The following UGT3A2 variants were observed in gnomAD, a reference collection of about 807,000 sequenced individuals.
The protein encoded by UGT3A2 is UDP glycosyltransferase family 3 member A2.
Under a neutral mutation model 39.8 loss-of-function variants are expected in UGT3A2, and 32 were observed. The observed-to-expected ratio is 0.80, with a 90% CI of 0.61 to 1.08. The LOEUF is 1.08. UGT3A2 is among the 50% of genes least tolerant of loss of function. UGT3A2 has a pLI of 0.00. For synonymous variants in UGT3A2, 241 were observed against 230.7 expected, an observed-to-expected ratio of 1.04 and a Z score of -0.40; for missense variants, 611 against 637.1, an observed-to-expected ratio of 0.96 and a Z score of 0.44.
chr5:36,049,182 C>T lies in UGT3A2; in HGVS notation c.550G>A (p.Val184Ile). 2 of 1,614,164 alleles carry T rather than the reference C, an allele frequency of 1.2e-6. No homozygotes were observed. The highest frequency in any genetic ancestry group is 8.5e-7 in the Non-Finnish European group (1 of 1,180,036). The change falls in exon 4 of 7, where the codon GTT (valine) becomes ATT (isoleucine). Residue 184 changes from valine (V) to isoleucine (I), a missense_variant. Transcript: ENST00000282507. ...GTCAGCAAGGAACGGAATACTGGAACATAAGACAAGGGGATTGGTAGCCCA... is the reference window on the plus strand; with the variant it reads ...GTCAGCAAGGAACGGAATACTGGAATATAAGACAAGGGGATTGGTAGCCCA... ...EFGLPIPLSY[V>I]PVFRSLLTDH...
chr5:36,057,124 GTC>G (rs1440970815), intron 2 of UGT3A2, among the ~76,000 whole-genome samples: 1 of 152,202 alleles, frequency 6.6e-6, no homozygotes, highest in Non-Finnish European at 1.5e-5. Flanking sequence ...AGTAGTACAT[GTC>G]AGTATTAGAA....
chr5:36,047,734 C>T (rs1450372794), intron 4 of UGT3A2, among the ~76,000 whole-genome samples: 1 of 152,202 alleles, frequency 6.6e-6, no homozygotes, highest in Admixed American at 6.5e-5. Flanking sequence ...ATGTCCTCCC[C>T]TTACTCCATG....
intron 2 of UGT3A2, among the ~76,000 whole-genome samples, chr5:36,063,981 A>G (rs912416095): frequency 6.6e-6 from 1 of 152,150 alleles, no homozygotes; most frequent in Non-Finnish European, 1.5e-5. Flanking sequence ...AGTATTTGTT[A>G]AAATAATCCA....
In UGT3A2 at chr5:36,048,939, T is replaced by C. The variant is rs557011424; in HGVS notation, c.793A>G (p.Thr265Ala). 6.2e-7 allele frequency: 1 copy of C among 1,614,058 alleles called. No individual in the cohort carries two copies. The highest frequency in any genetic ancestry group is 1.1e-5 in the South Asian group (1 of 91,082). ...TCCATCAAGCCTCCAACATAAACAG[T>C]GTTGGGAAGCAGAGGTCGAGCAAAA... Reference protein sequence around the residue: ...FDFARPLLPNTVYVGGLMEKP... With the variant: ...FDFARPLLPNAVYVGGLMEKP... The change falls in exon 4 of 7, where the codon ACT becomes GCT. Residue 265 changes from threonine to alanine, a missense_variant. By Grantham distance (58) the Thr-to-Ala change is moderately conservative. Transcript: ENST00000282507.
chr5:36,058,345 G>A (rs1001072299), intron 2 of UGT3A2, among the ~76,000 whole-genome samples: 1 of 152,154 alleles, frequency 6.6e-6, no homozygotes. Flanking sequence ...AATAGAATAT[G>A]GTTATCAGGG....
chr5:36,060,662 C>T (rs1030973481), intron 2 of UGT3A2, among the ~76,000 whole-genome samples: 3 of 152,252 alleles, frequency 2.0e-5, no homozygotes, highest in Non-Finnish European at 4.4e-5. Context: ...CGTCATCCTT[C>T]GTTCAGTCTC....
intron 4 of UGT3A2, among the ~76,000 whole-genome samples, chr5:36,045,711 G>A (rs1742147652): frequency 6.6e-6 from 1 of 152,150 alleles, no homozygotes; most frequent in Non-Finnish European, 1.5e-5. Flanking sequence ...GCTCCAGGAT[G>A]TTGATCTGGA....
At chr5:36,065,902 TGAAATAAAGTCTTGGG>T (rs1253269606) in intron 1 of UGT3A2, among the ~76,000 whole-genome samples, 1 of 152,222 alleles carries the variant, frequency 6.6e-6, no homozygotes, top group Non-Finnish European at 1.5e-5. Flanking sequence ...CACTATGGGT[TGAAATAAAGTCTTGGG>T]GAAGCTCGAT....
At chr5:36,040,833 T>A (rs1187752256) in intron 4 of UGT3A2, among the ~76,000 whole-genome samples, 1 of 151,792 alleles carries the variant, frequency 6.6e-6, no homozygotes. Flanking sequence ...GCCAAGGGAG[T>A]GCTGGTGTCA....
intron 4 of UGT3A2, among the ~76,000 whole-genome samples, chr5:36,044,316 C>T (rs1027539396): frequency 8.5e-5 from 13 of 152,068 alleles, no homozygotes; most frequent in Admixed American, 7.2e-4. Flanking sequence ...CCTAAAAAAA[C>T]TGATTATAGA....
At chr5:36,043,102 C>T (rs1202950880) in intron 4 of UGT3A2, among the ~76,000 whole-genome samples, 1 of 151,914 alleles carries the variant, frequency 6.6e-6, no homozygotes, top group Admixed American at 6.6e-5. Context: ...AGCACATGGA[C>T]CATGTTTAAG....
At chr5:36,065,079 G>A (rs1334942247) in intron 1 of UGT3A2, among the ~76,000 whole-genome samples, 1 of 152,148 alleles carries the variant, frequency 6.6e-6, no homozygotes, top group African/African-American at 2.4e-5. Context: ...GGAAAGAGAA[G>A]CTTGATCCTC....
At chr5:36,062,783 T>C (rs1581021088) in intron 2 of UGT3A2, among the ~76,000 whole-genome samples, 1 of 152,226 alleles carries the variant, frequency 6.6e-6, no homozygotes, top group East Asian at 1.9e-4. Flanking sequence ...TTCACACCTG[T>C]AATCCCAGCA....
chr5:36,066,459 A>G (rs910605420), intron 1 of UGT3A2, among the ~76,000 whole-genome samples: 3 of 152,144 alleles, frequency 2.0e-5, no homozygotes, highest in Non-Finnish European at 4.4e-5. Flanking sequence ...GCGCGTCCTG[A>G]ACAGGAAGAA....
intron 4 of UGT3A2, among the ~76,000 whole-genome samples, chr5:36,048,246 TCTC>T (rs769779769): frequency 5.3e-5 from 8 of 152,206 alleles, no homozygotes; most frequent in Non-Finnish European, 7.4e-5. Context: ...TCATCTTAGC[TCTC>T]CTCCTTTTGA....
At chr5:36,050,042 C>T (rs12653497) in intron 3 of UGT3A2, among the ~76,000 whole-genome samples, 5,857 of 151,216 alleles carry the variant, frequency 0.039, 186 homozygotes, top group East Asian at 0.12. Context: ...GTTTTTGAAA[C>T]GCATTATTTT....
At chr5:36,063,569 T>A (rs1742784047) in intron 2 of UGT3A2, among the ~76,000 whole-genome samples, 1 of 152,194 alleles carries the variant, frequency 6.6e-6, no homozygotes, top group Non-Finnish European at 1.5e-5. Flanking sequence ...GGAAAAGTAA[T>A]CTATAAAAAG....
In UGT3A2 at chr5:36,037,815, T is replaced by C; in HGVS notation, c.1277A>G (p.Gln426Arg). ...TGCATACCTCTTGTCTTCCATGATT[T>C]GTTTCATCTTAAGAGCCAATGTCTC... ...KAETLALKMK[Q>R]IMEDKRYKSA... Residue 426 changes from glutamine (Q) to arginine (R), a missense_variant, in exon 6 of 7, where the codon CAA becomes CGA. By Grantham distance (43) the Gln-to-Arg change is conservative (BLOSUM62 1). Transcript: ENST00000282507. 6.2e-7 allele frequency: 1 copy of C among 1,614,238 alleles called. No individual in the cohort carries two copies. The highest frequency in any genetic ancestry group is 8.5e-7 in the Non-Finnish European group (1 of 1,180,038).
intron 2 of UGT3A2, among the ~76,000 whole-genome samples, chr5:36,052,185 C>G (rs1326544041): frequency 6.6e-6 from 1 of 152,162 alleles, no homozygotes; most frequent in African/African-American, 2.4e-5. Context: ...ATAGCACAAT[C>G]CTAGCTCATT....
Sources: allele counts gnomAD v4.1 joint callset (sites outside exome capture counted in the v4.1 genomes callset), GRCh38; gene constraint gnomAD v4.1.1; transcripts MANE v1.5; gene names NCBI Gene and HGNC (gene_info 2026-07-23, HGNC 2026-07-21).